Variants in KIAA1217 observed in about 807,000 individuals in gnomAD.
KIAA1217 encodes KIAA1217.
Under a neutral mutation model 163.9 loss-of-function variants are expected in KIAA1217, and 88 were observed. The ratio of observed to expected loss-of-function variants is 0.54; its 90% confidence interval spans 0.45 to 0.64. KIAA1217 has a LOEUF of 0.64. Among genes scored for constraint, KIAA1217 ranks in the 30% least tolerant of loss-of-function variants. KIAA1217 has a pLI of 0.00. For missense variants in KIAA1217, 2,372 were observed against 2,475.0 expected (o/e 0.96, Z 0.88); for synonymous variants, 903 against 923.1 (o/e 0.98, Z 0.39).
chr10:23,898,325 A>G (rs1253412928), intron 1 of KIAA1217, among the ~76,000 whole-genome samples: 2 of 151,658 alleles, frequency 1.3e-5, no homozygotes, highest in Non-Finnish European at 2.9e-5. Context: ...ACACACACAC[A>G]CATATATATA....
intron 1 of KIAA1217, among the ~76,000 whole-genome samples, chr10:23,887,647 G>A (rs1172238938): frequency 6.6e-6 from 1 of 151,724 alleles, no homozygotes; most frequent in Admixed American, 6.6e-5. Context: ...AATCTAACTT[G>A]TTGGGCTTTC....
intron 2 of KIAA1217, among the ~76,000 whole-genome samples, chr10:24,101,382 A>G (rs2062408656): frequency 6.6e-6 from 1 of 152,190 alleles, no homozygotes; most frequent in African/African-American, 2.4e-5. Context: ...TGTAAAAAAA[A>G]AGTTCTAAAA....
chr10:23,949,466 C>A (rs1844227558), intron 1 of KIAA1217, among the ~76,000 whole-genome samples: 2 of 152,036 alleles, frequency 1.3e-5, no homozygotes, highest in South Asian at 2.1e-4. Flanking sequence ...ATTCGTTTCC[C>A]TGACAATGAT....
intron 1 of KIAA1217, among the ~76,000 whole-genome samples, chr10:23,937,121 C>T (rs984386399): frequency 3.9e-5 from 6 of 152,272 alleles, no homozygotes; most frequent in East Asian, 1.9e-4. Flanking sequence ...GTGATCTGCA[C>T]GCCTTGGCCT....
intron 2 of KIAA1217, among the ~76,000 whole-genome samples, chr10:24,346,784 T>C (rs1357570758): frequency 6.6e-6 from 1 of 152,010 alleles, no homozygotes; most frequent in African/African-American, 2.4e-5. Flanking sequence ...TTGGCCAGGC[T>C]GGTCTCGAAC....
intron 8 of KIAA1217, among the ~76,000 whole-genome samples, chr10:24,501,094 A>T (rs1304602795): frequency 7.1e-6 from 1 of 140,696 alleles, no homozygotes; most frequent in South Asian, 2.2e-4. Flanking sequence ...AAATAAAAAA[A>T]AAATAAACAA....
intron 17 of KIAA1217, among the ~76,000 whole-genome samples, chr10:24,540,487 C>T (rs892467256): frequency 1.3e-5 from 2 of 152,190 alleles, no homozygotes; most frequent in African/African-American, 4.8e-5. Flanking sequence ...CCACCTCCAC[C>T]TCCCAAAGTG....
intron 10 of KIAA1217, among the ~76,000 whole-genome samples, chr10:24,518,959 G>A (rs2070652469): frequency 6.6e-6 from 1 of 152,198 alleles, no homozygotes. Flanking sequence ...TCTTGCAGGG[G>A]AGGAATTTGT....
intron 2 of KIAA1217, among the ~76,000 whole-genome samples, chr10:24,139,750 C>G (rs2063977134): frequency 6.6e-6 from 1 of 151,966 alleles, no homozygotes; most frequent in Non-Finnish European, 1.5e-5. Context: ...TACAGTAGTC[C>G]CCACTTATCC....
intron 2 of KIAA1217, among the ~76,000 whole-genome samples, chr10:24,365,356 C>T (rs1350969168): frequency 1.3e-5 from 2 of 151,698 alleles, no homozygotes; most frequent in East Asian, 1.9e-4. Flanking sequence ...CTCCCGCAGC[C>T]GGTGTTACTT....
chr10:24,261,991 A>G (rs545801497), intron 2 of KIAA1217, among the ~76,000 whole-genome samples: 3 of 152,342 alleles, frequency 2.0e-5, no homozygotes, highest in African/African-American at 7.2e-5. Flanking sequence ...ATATGAAAAG[A>G]AAGTTTGACC....
At chr10:24,155,157 A>T (rs192556200) in intron 2 of KIAA1217, among the ~76,000 whole-genome samples, 1 of 152,168 alleles carries the variant, frequency 6.6e-6, no homozygotes, top group African/African-American at 2.4e-5. Flanking sequence ...ATTTTACCAC[A>T]ATAATTTTTT....
At chr10:24,219,570 A>T in intron 1 of KIAA1217, 56 bp from the exon 2 acceptor site, 2 of 1,440,948 alleles carry the variant, frequency 1.4e-6, no homozygotes, top group South Asian at 2.9e-5. Flanking sequence ...GTGTTCTGCA[A>T]ATGAGACTTC....
Position 24,359,082 on chromosome 10 carries a change from C to CT in KIAA1217, c.355-21770dup, listed in dbSNP as rs202024336. On this transcript the variant is annotated intron_variant, in intron 2 of 20. Transcript: ENST00000376454. The stretch of plus-strand genomic sequence containing the variant: ...TTTCTTTTCTTTTCTTTCTTTCTTT[C>CT]TTTTTTTTTTTTTTTTTGTTTTTTT... Among the ~76,000 whole-genome samples, 317 of 81,526 alleles carry CT rather than the reference C, an allele frequency of 3.9e-3. 3 individuals carry two copies. Among genetic ancestry groups the CT allele is most frequent in the East Asian group, 0.031 (114 of 3,628 alleles). The allele number at this position is 81,526 out of a possible 152,430, so 53.5% of individuals were successfully genotyped here. A position where few individuals can be genotyped will look rare whatever the true frequency, so the allele number is the denominator to read the frequency against.
intron 1 of KIAA1217, among the ~76,000 whole-genome samples, chr10:23,712,989 A>T (rs1376981174): frequency 1.3e-5 from 2 of 152,126 alleles, no homozygotes; most frequent in Admixed American, 1.3e-4. Flanking sequence ...TGCGGCTTGC[A>T]GGCATTTGGT....
Position 24,086,944 on chromosome 10 carries a change from T to C in KIAA1217, c.-171+79570T>C, listed in dbSNP as rs182845696. ...AAGTAACATTTAGATTTCCAGCTGG[T>C]ACAGGGAAGTTGTAACAGTCCTGCA... On this transcript the variant is annotated intron_variant, in intron 2 of 18. Transcript: ENST00000376462. Among the ~76,000 whole-genome samples, 6 of 152,214 alleles carry C rather than the reference T, an allele frequency of 3.9e-5. No individual in the cohort carries two copies. In the East Asian group the frequency reaches 1.2e-3, roughly 29 times the overall value.
chr10:24,307,748 C>G (rs1358052113), intron 2 of KIAA1217, among the ~76,000 whole-genome samples: 2 of 152,074 alleles, frequency 1.3e-5, no homozygotes, highest in African/African-American at 4.8e-5. Flanking sequence ...TGCTACTGCA[C>G]TTAGCCTTGG....
intron 17 of KIAA1217, among the ~76,000 whole-genome samples, chr10:24,540,290 G>A (rs560445498): frequency 1.3e-5 from 2 of 152,300 alleles, no homozygotes; most frequent in African/African-American, 2.4e-5. Flanking sequence ...CTGGAGTGCA[G>A]TGGTGCAATC....
intron 2 of KIAA1217, among the ~76,000 whole-genome samples, chr10:24,071,318 C>T (rs2061179140): frequency 6.6e-6 from 1 of 152,062 alleles, no homozygotes; most frequent in South Asian, 2.1e-4. Context: ...TACAATTATA[C>T]TTAGTGGGTC....
Sources: allele counts gnomAD v4.1 joint callset (sites outside exome capture counted in the v4.1 genomes callset), GRCh38; gene constraint gnomAD v4.1.1; transcripts MANE v1.5; gene names NCBI Gene and HGNC (gene_info 2026-07-23, HGNC 2026-07-21).